CNTNAP2: variants seen among roughly 807,000 people sequenced by gnomAD.
CNTNAP2 encodes contactin associated protein 2, also known as contactin-associated protein-like 2.
In CNTNAP2, 98 loss-of-function variants were observed where a neutral mutation model predicts 155.2. The ratio of observed to expected loss-of-function variants is 0.63; its 90% CI spans 0.54 to 0.75. CNTNAP2 has a LOEUF of 0.75. CNTNAP2 is among the 30% of genes least tolerant of loss of function. The pLI is 0.00. For synonymous variants in CNTNAP2, 651 were observed against 631.2 expected (o/e 1.03, Z -0.47); for missense variants, 1,727 against 1,688.1 (o/e 1.02, Z -0.40).
intron 9 of CNTNAP2, among the ~76,000 whole-genome samples, chr7:147,368,175 C>T (rs1796277095): frequency 1.3e-5 from 2 of 150,504 alleles, no homozygotes; most frequent in African/African-American, 4.9e-5. Flanking sequence ...GAATCCCTAA[C>T]AGATTTTATT....
At chr7:147,337,322 C>T (rs1204891436) in intron 9 of CNTNAP2, among the ~76,000 whole-genome samples, 3 of 152,224 alleles carry the variant, frequency 2.0e-5, no homozygotes, top group African/African-American at 7.2e-5. Flanking sequence ...AAAGCACATA[C>T]TGCCCTGGGT....
chr7:147,392,694 A>T (rs2116446831), intron 9 of CNTNAP2, among the ~76,000 whole-genome samples: 1 of 152,174 alleles, frequency 6.6e-6, no homozygotes, highest in African/African-American at 2.4e-5. Flanking sequence ...AATTCATTTA[A>T]TTTTATGACT....
chr7:147,002,146 G>T (rs552266941), intron 3 of CNTNAP2, among the ~76,000 whole-genome samples: 4 of 151,888 alleles, frequency 2.6e-5, no homozygotes, highest in Non-Finnish European at 5.9e-5. Flanking sequence ...AACTTTAAAA[G>T]ATGCATTTAT....
At chr7:146,172,032 A>ATTTTTTTT (rs61619996) in intron 1 of CNTNAP2, among the ~76,000 whole-genome samples, 7 of 67,636 alleles carry the variant, frequency 1.0e-4, no homozygotes, top group African/African-American at 1.5e-4. Flanking sequence ...TGCTCTTAGT[A>ATTTTTTTT]TTTTTTTTTT....
chr7:146,671,900 C>T (rs1044900094), intron 1 of CNTNAP2, among the ~76,000 whole-genome samples: 6 of 152,062 alleles, frequency 3.9e-5, no homozygotes, highest in African/African-American at 1.4e-4. Context: ...ACTGCAACCT[C>T]CGCCGCCTGG....
chr7:146,405,430 A>G (rs1795777143), intron 1 of CNTNAP2, among the ~76,000 whole-genome samples: 1 of 152,188 alleles, frequency 6.6e-6, no homozygotes, highest in South Asian at 2.1e-4. Flanking sequence ...GCAATAATAA[A>G]TTCATTTTAA....
At chr7:146,946,115 C>T (rs1020215893) in intron 3 of CNTNAP2, among the ~76,000 whole-genome samples, 5 of 148,494 alleles carry the variant, frequency 3.4e-5, no homozygotes, top group Non-Finnish European at 7.4e-5. Flanking sequence ...TCCTTCCTTC[C>T]TTCCTTCTTT....
At chr7:146,590,155 T>G (rs1387308073) in intron 1 of CNTNAP2, among the ~76,000 whole-genome samples, 1 of 152,164 alleles carries the variant, frequency 6.6e-6, no homozygotes, top group East Asian at 1.9e-4. Flanking sequence ...TGTTTTGTTT[T>G]GTTTCCAGAA....
chr7:148,151,780 A>C (rs897084106), intron 17 of CNTNAP2, among the ~76,000 whole-genome samples: 1 of 152,216 alleles, frequency 6.6e-6, no homozygotes, highest in African/African-American at 2.4e-5. Context: ...CCAACCCTAC[A>C]GGAAAGCTCA....
At chr7:148,004,970 T>A (rs1801949766) in intron 15 of CNTNAP2, among the ~76,000 whole-genome samples, 1 of 152,220 alleles carries the variant, frequency 6.6e-6, no homozygotes, top group Non-Finnish European at 1.5e-5. Context: ...TCTACTCTCA[T>A]CCTGATCCTA....
chr7:146,558,953 T>C (rs1798239715), intron 1 of CNTNAP2, among the ~76,000 whole-genome samples: 1 of 152,210 alleles, frequency 6.6e-6, no homozygotes, highest in Admixed American at 6.5e-5. Context: ...ATCCTGACAA[T>C]TTCTGCAGTA....
intron 8 of CNTNAP2, among the ~76,000 whole-genome samples, chr7:147,229,825 T>A (rs998085386): frequency 1.3e-5 from 2 of 152,142 alleles, no homozygotes; most frequent in African/African-American, 4.8e-5. Context: ...AATTAAAAAA[T>A]AAATGCTATT....
chr7:146,870,511 A>T (rs1305189063), intron 3 of CNTNAP2, among the ~76,000 whole-genome samples: 1 of 152,156 alleles, frequency 6.6e-6, no homozygotes, highest in Non-Finnish European at 1.5e-5. Flanking sequence ...ATGAAAATGA[A>T]TTTAGACAAG....
chr7:148,245,815 A>C (rs936229078), intron 20 of CNTNAP2, among the ~76,000 whole-genome samples: 2 of 152,160 alleles, frequency 1.3e-5, no homozygotes. Context: ...AGTGCACACA[A>C]TGAGCACTCG....
chr7:147,678,441 C>G (rs948386002), intron 13 of CNTNAP2, among the ~76,000 whole-genome samples: 1 of 151,862 alleles, frequency 6.6e-6, no homozygotes, highest in Non-Finnish European at 1.5e-5. Context: ...TGCTTGATTT[C>G]CCAGTTGATT....
intron 8 of CNTNAP2, among the ~76,000 whole-genome samples, chr7:147,148,087 T>G (rs537180476): frequency 1.3e-5 from 2 of 152,110 alleles, no homozygotes; most frequent in African/African-American, 4.8e-5. Flanking sequence ...TCATGCAACA[T>G]TATATGGTAA....
intron 4 of CNTNAP2, among the ~76,000 whole-genome samples, chr7:147,075,187 A>G (rs1347284926): frequency 3.3e-5 from 5 of 152,152 alleles, no homozygotes; most frequent in Non-Finnish European, 7.4e-5. Flanking sequence ...TTATAAATAA[A>G]TGCTTCATTT....
At chr7:146,714,857 G>A (rs574179927) in intron 1 of CNTNAP2, among the ~76,000 whole-genome samples, 3 of 152,144 alleles carry the variant, frequency 2.0e-5, no homozygotes, top group Non-Finnish European at 2.9e-5. Flanking sequence ...GTCCAGTGAC[G>A]TTCTGGGCCC....
chr7:147,802,017 G>A (rs1798002678), intron 13 of CNTNAP2, among the ~76,000 whole-genome samples: 1 of 148,498 alleles, frequency 6.7e-6, no homozygotes, highest in South Asian at 2.1e-4. Flanking sequence ...TCACTTCCCG[G>A]ACAGGGTGGC....
Sources: gnomAD v4.1 joint callset for allele counts (sites outside exome capture counted in the v4.1 genomes callset) on GRCh38, gnomAD v4.1.1 for gene constraint, MANE v1.5 for transcripts, NCBI Gene and HGNC (gene_info 2026-07-23, HGNC 2026-07-21) for gene names.